The following PACRG variants were observed in gnomAD, a reference collection of about 807,000 sequenced individuals.
PACRG encodes parkin coregulated gene protein.
PACRG carries 29 observed loss-of-function variants against 29.7 expected under a neutral mutation model. That is an observed-to-expected ratio of 0.98 (90% confidence interval 0.73 to 1.33). The LOEUF is 1.33. PACRG is among the 40% of genes most tolerant of loss of function. PACRG has a pLI of 0.00. For missense variants in PACRG, 279 were observed against 316.2 expected (o/e 0.88, Z 0.89); for synonymous variants, 116 against 118.7 (o/e 0.98, Z 0.15).
At chr6:162,875,435 TCA>T (rs946134042) in intron 2 of PACRG, among the ~76,000 whole-genome samples, 8 of 151,970 alleles carry the variant, frequency 5.3e-5, no homozygotes, top group Admixed American at 2.6e-4. Context: ...GCACACACAT[TCA>T]CACACAGGCA....
intron 1 of PACRG, among the ~76,000 whole-genome samples, chr6:162,729,692 T>C (rs974451676): frequency 2.6e-5 from 4 of 152,240 alleles, no homozygotes; most frequent in African/African-American, 9.6e-5. Flanking sequence ...ATTTTGATGT[T>C]TTTTAATGTT....
At chr6:162,819,227 T>G (rs1187309761) in intron 2 of PACRG, among the ~76,000 whole-genome samples, 1 of 152,196 alleles carries the variant, frequency 6.6e-6, no homozygotes, top group Non-Finnish European at 1.5e-5. Flanking sequence ...AAAATGTATC[T>G]TCCTCACTGC....
chr6:162,903,750 T>C (rs1461952551), intron 2 of PACRG, among the ~76,000 whole-genome samples: 1 of 152,142 alleles, frequency 6.6e-6, no homozygotes, highest in African/African-American at 2.4e-5. Flanking sequence ...GTCTCTTACT[T>C]TTTTGTCTGC....
intron 2 of PACRG, among the ~76,000 whole-genome samples, chr6:162,915,922 A>T (rs1796665888): frequency 6.6e-6 from 1 of 152,124 alleles, no homozygotes; most frequent in Admixed American, 6.5e-5. Context: ...TGAGCTATAC[A>T]TATTTAAAGA....
Position 162,909,944 on chromosome 6 carries a change from C to T in PACRG, c.291+95663C>T, listed in dbSNP as rs141893948. 5.3e-5 allele frequency among the ~76,000 whole-genome samples: 8 copies of T among 152,286 alleles called. No homozygotes were observed. The East Asian group carries it at 9.7e-4, about 18-fold the overall frequency. On this transcript the variant is annotated intron_variant, in intron 2 of 4. Transcript: ENST00000366888. ...ATTTCCTCTTTGCTCTCTGCAAACA[C>T]GTATATGAAGAAGCACTTGAGTGTC...
At chr6:163,092,070 C>T (rs1389912897) in intron 4 of PACRG, among the ~76,000 whole-genome samples, 2 of 152,082 alleles carry the variant, frequency 1.3e-5, no homozygotes, top group African/African-American at 4.8e-5. Flanking sequence ...TCTTTCAAGT[C>T]CCACTACAAA....
At chr6:163,045,858 C>A (rs957294406) in intron 2 of PACRG, among the ~76,000 whole-genome samples, 15 of 151,788 alleles carry the variant, frequency 9.9e-5, no homozygotes, top group South Asian at 2.1e-4. Context: ...TCATGATCCA[C>A]CCGCCTCAGC....
chr6:163,092,805 AT>A (rs1216361691), intron 4 of PACRG, among the ~76,000 whole-genome samples: 1 of 152,210 alleles, frequency 6.6e-6, no homozygotes, highest in African/African-American at 2.4e-5. Context: ...TACATATCCA[AT>A]ATTATATACA....
rs544452979 is a variant in PACRG at position 162,845,231 on chromosome 6, A to G, written c.291+30950A>G. 1.3e-3 allele frequency among the ~76,000 whole-genome samples: 199 copies of G among 152,092 alleles called. 1 individual carries two copies. Among genetic ancestry groups the G allele is most frequent in the African/African-American group, 4.4e-3 (182 of 41,440 alleles). ...TTCAGACAAAATACTAGGTTAAAAA[A>G]CAAACAAACAAAACCCCACTGACCC... On this transcript the variant is annotated intron_variant, in intron 2 of 4. Transcript: ENST00000366888.
intron 3 of PACRG, among the ~76,000 whole-genome samples, chr6:163,069,418 A>AAGAAATT (rs1811844720): frequency 6.6e-6 from 1 of 152,182 alleles, no homozygotes; most frequent in Non-Finnish European, 1.5e-5. Flanking sequence ...TGACACAGAG[A>AAGAAATT]AGAAATTTAG....
At chr6:163,155,489 C>T (rs1028607515) in intron 4 of PACRG, among the ~76,000 whole-genome samples, 7 of 152,230 alleles carry the variant, frequency 4.6e-5, no homozygotes, top group South Asian at 2.1e-4. Context: ...GTTCTGAGAG[C>T]GAGAGGCCCT....
chr6:162,811,040 C>CT (rs1235258071), intron 1 of PACRG, among the ~76,000 whole-genome samples: 21 of 151,936 alleles, frequency 1.4e-4, no homozygotes, highest in African/African-American at 5.1e-4. Context: ...CGTGGCATAA[C>CT]TAAAAAAAAG....
chr6:163,009,714 G>A (rs1216642459), intron 2 of PACRG, among the ~76,000 whole-genome samples: 3 of 152,078 alleles, frequency 2.0e-5, no homozygotes, highest in East Asian at 1.9e-4. Context: ...ATATTCTATC[G>A]GTGATTAACC....
chr6:163,229,923 A>G (rs554451074), intron 4 of PACRG, among the ~76,000 whole-genome samples: 1 of 152,318 alleles, frequency 6.6e-6, no homozygotes, highest in African/African-American at 2.4e-5. Context: ...TTAGAACCTA[A>G]TTCAATTGTA....
At chr6:162,850,142 A>G (rs1790736143) in intron 2 of PACRG, among the ~76,000 whole-genome samples, 1 of 152,128 alleles carries the variant, frequency 6.6e-6, no homozygotes, top group Non-Finnish European at 1.5e-5. Flanking sequence ...AATCAAGTGC[A>G]TGGTCTATGA....
chr6:163,169,732 C>T (rs1386410713), intron 4 of PACRG, among the ~76,000 whole-genome samples: 2 of 152,092 alleles, frequency 1.3e-5, no homozygotes, highest in Non-Finnish European at 2.9e-5. Context: ...AGAGAGAGGC[C>T]GCTGGGCAGG....
chr6:162,735,828 A>G (rs528287446), intron 1 of PACRG, among the ~76,000 whole-genome samples: 1 of 152,346 alleles, frequency 6.6e-6, no homozygotes, highest in East Asian at 1.9e-4. Flanking sequence ...CAACTAGCTC[A>G]CAGTGAAATA....
At chr6:162,743,706 T>C (rs1263139760) in intron 1 of PACRG, among the ~76,000 whole-genome samples, 1 of 152,212 alleles carries the variant, frequency 6.6e-6, no homozygotes, top group African/African-American at 2.4e-5. Context: ...AACAGTTTTA[T>C]TGAGATGTAA....
intron 4 of PACRG, among the ~76,000 whole-genome samples, chr6:163,260,914 G>C (rs114600331): frequency 1.3e-5 from 2 of 152,078 alleles, no homozygotes; most frequent in Non-Finnish European, 2.9e-5. Flanking sequence ...TAAGGTAGAT[G>C]CTATTCGAAT....
Sources: allele counts gnomAD v4.1 joint callset (sites outside exome capture counted in the v4.1 genomes callset), GRCh38; gene constraint gnomAD v4.1.1; transcripts MANE v1.5; gene names NCBI Gene and HGNC (gene_info 2026-07-23, HGNC 2026-07-21).